The following STARD9 variants were observed in gnomAD, a reference collection of about 807,000 sequenced individuals.
STARD9 encodes the protein StAR related lipid transfer domain containing 9.
Under a neutral mutation model 399.8 loss-of-function variants are expected in STARD9, and 346 were observed. The ratio of observed to expected loss-of-function variants is 0.87; its 90% confidence interval spans 0.79 to 0.95. STARD9 has a LOEUF of 0.95. Among genes scored for constraint, STARD9 ranks in the 40% least tolerant of loss-of-function variants. The pLI, the probability that STARD9 is intolerant of heterozygous loss-of-function variation, is 0.00. For synonymous variants in STARD9, 2,203 were observed against 2,143.5 expected, an observed-to-expected ratio of 1.03 and a Z score of -0.77; for missense variants, 5,832 against 5,667.5, an observed-to-expected ratio of 1.03 and a Z score of -0.93.
chr15:42,602,596 C>G (rs747293845), intron 3 of STARD9, among the ~76,000 whole-genome samples: 1 of 152,204 alleles, frequency 6.6e-6, no homozygotes, highest in South Asian at 2.1e-4. Context: ...ACTGCATGCT[C>G]ACCTCATGTA....
chr15:42,680,426 C>A (rs1288456988), intron 20 of STARD9, among the ~76,000 whole-genome samples: 1 of 151,992 alleles, frequency 6.6e-6, no homozygotes, highest in Non-Finnish European at 1.5e-5. Context: ...ATGGTAAAAT[C>A]CTGTCTCTAC....
intron 3 of STARD9, among the ~76,000 whole-genome samples, chr15:42,612,750 G>A (rs528096776): frequency 5.3e-5 from 8 of 152,276 alleles, no homozygotes; most frequent in African/African-American, 1.9e-4. Flanking sequence ...TTGGGAGGCC[G>A]AGGTGGGCGG....
At position 42,695,262 on chromosome 15, in the gene STARD9, G is replaced by A. The variant is rs757659249; in HGVS notation, c.13085G>A (p.Arg4362Gln). 125 of 1,537,074 alleles carry A rather than the reference G, an allele frequency of 8.1e-5. No individual in the cohort carries two copies. The highest frequency in any genetic ancestry group is 1.1e-4 in the African/African-American group (8 of 73,046). The change falls in exon 25 of 33, where the codon CGG becomes CAG. Residue 4362 changes from arginine (R) to glutamine (Q), a missense_variant. Transcript: ENST00000290607. Reference sequence around the variant, plus strand: ...ATTGCCCGGGCCCGAGACCAACTGCGGGAGCGGACTGAACAAGAGAAGCTG... The same window carrying A: ...ATTGCCCGGGCCCGAGACCAACTGCAGGAGCGGACTGAACAAGAGAAGCTG... ...VEIARARDQL[R>Q]ERTEQEKLRI...
rs1392227418 is a variant in STARD9 at position 42,693,192 on chromosome 15, A to C, written c.11614A>C (p.Ser3872Arg). The change falls in exon 23 of 33, where the codon AGT becomes CGT. Residue 3872 changes from serine (S) to arginine (R), a missense_variant. Ser to Arg is a moderately radical substitution (Grantham distance 110). Coordinates refer to ENST00000290607, the MANE Select transcript of STARD9 (RefSeq NM_020759.3). ...CCCTCATTCCCCAGGGCTCTTTCCC[A>C]GTACTTCCGAGTATCCTGGGGACTC... is the stretch of plus-strand genomic sequence containing the variant. ...SSPHSPGLFP[S>R]TSEYPGDSRV... 13 of 1,536,942 alleles carry C rather than the reference A, an allele frequency of 8.5e-6. No homozygotes were observed. Among genetic ancestry groups the C allele is most frequent in the Non-Finnish European group, 1.1e-5 (13 of 1,146,872 alleles).
chr15:42,621,642 CTG>C (rs1256956941), intron 3 of STARD9, among the ~76,000 whole-genome samples: 1 of 152,194 alleles, frequency 6.6e-6, no homozygotes, highest in East Asian at 1.9e-4. Flanking sequence ...AGTTGGCTGT[CTG>C]TGATTGGTTG....
At chr15:42,660,988 G>T (rs2059983652) in intron 9 of STARD9, among the ~76,000 whole-genome samples, 170 bp from the exon 10 acceptor site, 1 of 150,492 alleles carries the variant, frequency 6.6e-6, no homozygotes, top group African/African-American at 2.5e-5. Context: ...GGGCCCTATT[G>T]ATTTTATCTG....
chr15:42,645,700 C>T (rs1415611588), intron 7 of STARD9, among the ~76,000 whole-genome samples: 2 of 151,918 alleles, frequency 1.3e-5, no homozygotes, highest in African/African-American at 4.8e-5. Flanking sequence ...GCTACCATAC[C>T]TGGCTAATTT....
chr15:42,643,259 G>A (rs1595694635), intron 7 of STARD9, among the ~76,000 whole-genome samples: 1 of 151,264 alleles, frequency 6.6e-6, no homozygotes, highest in African/African-American at 2.4e-5. Flanking sequence ...CGCAGTGGTA[G>A]GATCTCAGCT....
At chr15:42,652,649 C>T in intron 9 of STARD9, 57 bp downstream of exon 9, 1 of 1,379,618 alleles carries the variant, frequency 7.2e-7, no homozygotes, top group Non-Finnish European at 1.0e-6. Flanking sequence ...CTTTAAACCA[C>T]TTTCTTGTCT....
At chr15:42,582,008 A>G (rs2141655842) in intron 1 of STARD9, among the ~76,000 whole-genome samples, 1 of 152,308 alleles carries the variant, frequency 6.6e-6, no homozygotes, top group African/African-American at 2.4e-5. Context: ...GCATGGTAGC[A>G]AGTGCTTGTA....
chr15:42,715,816 T>C (rs1014313315), intron 26 of STARD9, among the ~76,000 whole-genome samples: 5 of 152,162 alleles, frequency 3.3e-5, no homozygotes, highest in Admixed American at 2.0e-4. Context: ...CCCAAATTTT[T>C]TTTTAAAATT....
In STARD9 at chr15:42,690,286, A is replaced by G; in HGVS notation, c.8708A>G (p.Gln2903Arg). The G allele has an allele frequency of 6.5e-7, 1 of 1,537,332 alleles. No homozygotes were observed. Among genetic ancestry groups the G allele is most frequent in the Non-Finnish European group, 8.7e-7 (1 of 1,146,924 alleles). ...KHSRPIPLPD[Q>R]RPSANPGGIG... The stretch of plus-strand genomic sequence containing the variant: ...TCCAGGCCAATTCCACTGCCAGATC[A>G]AAGACCAAGCGCAAATCCTGGGGGA... Residue 2903 changes from glutamine (Q) to arginine (R), a missense_variant, in exon 23 of 33, where the codon CAA (glutamine) becomes CGA (arginine). This residue lies in a region of STARD9 where 5,828 missense variants were observed against 5,651.1 expected (regional missense o/e 1.03). Coordinates refer to ENST00000290607, the MANE Select transcript of STARD9 (RefSeq NM_020759.3).
rs188279995 is a variant in STARD9 at position 42,638,249 on chromosome 15, C to G, written c.446+162C>G. ...CAAGAGCTGAGAAAGATACTTAGGC[C>G]CTTGGTTGTAGGAAACTTAATTTCC... On this transcript the variant is annotated intron_variant, in intron 6 of 32. Coordinates refer to ENST00000290607, the MANE Select transcript of STARD9 (RefSeq NM_020759.3). 2.4e-4 allele frequency: 164 copies of G among 676,346 alleles called. 2 individuals carry two copies. The Admixed American group carries it at 4.5e-3, about 19-fold the overall frequency. The allele number at this position is 676,346 out of a possible 1,614,324, so 41.9% of individuals were successfully genotyped here.
chr15:42,592,580 G>A lies in STARD9; in HGVS notation c.234+6943G>A, dbSNP rs545328243. Among the ~76,000 whole-genome samples the A allele has an allele frequency of 1.5e-3, 231 of 152,206 alleles. 1 individual carries two copies. Among genetic ancestry groups the A allele is most frequent in the Middle Eastern group, 6.8e-3 (2 of 294 alleles). On this transcript the variant is annotated intron_variant, in intron 3 of 32. Transcript: ENST00000290607. ...CTGCCTCCGCCTCCCGAGTAGCTGG[G>A]ATTACAGGTGTGTGCCACCACACCC...
intron 1 of STARD9, chr15:42,581,599 C>G (rs927359962): frequency 1.5e-5 from 11 of 739,574 alleles, no homozygotes; most frequent in South Asian, 6.6e-5. Flanking sequence ...ACTCCTCGCT[C>G]GCTTCCTCTA....
intron 26 of STARD9, 146 bp downstream of exon 26, chr15:42,696,026 C>T: frequency 1.3e-6 from 1 of 786,820 alleles, no homozygotes; most frequent in Non-Finnish European, 1.9e-6. Context: ...ATGTGCAGGC[C>T]TTTGGTTTTC....
rs1050925074 is a variant in STARD9, at chr15:42,636,841, G to A, written c.352-1066G>A. Among the ~76,000 whole-genome samples the A allele has an allele frequency of 7.0e-4, 107 of 152,090 alleles. 1 individual carries two copies. The highest frequency in any genetic ancestry group is 2.2e-3 in the African/African-American group (93 of 41,490). ...AGTACTTTGGGAGGCTAAGGCAGGCGGATCACCTGAGCTCAGGAGTTCAAG... is the reference window on the plus strand; with the variant it reads ...AGTACTTTGGGAGGCTAAGGCAGGCAGATCACCTGAGCTCAGGAGTTCAAG... On this transcript the variant is annotated intron_variant, in intron 4 of 32. Transcript: ENST00000290607.
chr15:42,684,611 T>A lies in STARD9; in HGVS notation c.3033T>A (p.Tyr1011Ter). ...AAKGASCNSL[Y>*]PHGPRQTAGH... ...AGGGAGCCAGTTGCAATTCCTTGTA[T>A]CCTCATGGACCCAGGCAGACTGCTG... The change falls in exon 23 of 33, where the codon TAT becomes TAA. Residue 1011 changes from tyrosine (Y) to a stop codon, truncating the protein, a stop_gained. Coordinates refer to ENST00000290607, the MANE Select transcript of STARD9 (RefSeq NM_020759.3). LOFTEE classifies it high-confidence loss of function. 6.5e-7 allele frequency: 1 copy of A among 1,537,174 alleles called. No homozygotes were observed. Among genetic ancestry groups the A allele is most frequent in the Non-Finnish European group, 8.7e-7 (1 of 1,146,886 alleles).
At chr15:42,595,450 T>A (rs1319459155) in intron 3 of STARD9, among the ~76,000 whole-genome samples, 2 of 152,208 alleles carry the variant, frequency 1.3e-5, no homozygotes, top group Non-Finnish European at 2.9e-5. Flanking sequence ...TCTTCCATTA[T>A]CAATCAATGG....
Sources: allele counts gnomAD v4.1 joint callset (sites outside exome capture counted in the v4.1 genomes callset), GRCh38; gene constraint gnomAD v4.1.1; regional missense constraint gnomAD v4.1.1; transcripts MANE v1.5; gene names NCBI Gene and HGNC (gene_info 2026-07-23, HGNC 2026-07-21).